The following ZZEF1 variants were observed in gnomAD, a reference collection of about 807,000 sequenced individuals.
The protein encoded by ZZEF1 is zinc finger ZZ-type and EF-hand domain-containing protein 1.
In ZZEF1, 157 loss-of-function variants were observed where a neutral mutation model predicts 342.8. That is an observed-to-expected ratio of 0.46 (90% CI 0.40 to 0.52). ZZEF1 has a LOEUF of 0.52. ZZEF1 is among the 20% of genes least tolerant of loss of function. The pLI, the probability that ZZEF1 is intolerant of heterozygous loss-of-function variation, is 0.00. For synonymous variants in ZZEF1, 1,505 were observed against 1,429.1 expected (o/e 1.05, Z -1.20); for missense variants, 3,480 against 3,725.6 (o/e 0.93, Z 1.72).
At chr17:4,088,578 C>T (rs924845539) in intron 13 of ZZEF1, 100 bp downstream of exon 13, 1 of 1,311,972 alleles carries the variant, frequency 7.6e-7, no homozygotes, top group South Asian at 1.4e-5. Flanking sequence ...ATCCTATTGG[C>T]TTCCGCAGGG....
chr17:4,051,596 T>G (rs780648750), intron 35 of ZZEF1, among the ~76,000 whole-genome samples: 4 of 151,920 alleles, frequency 2.6e-5, no homozygotes, highest in Non-Finnish European at 5.9e-5. Flanking sequence ...AATTTTTGTA[T>G]TTTTAGTAGA....
intron 52 of ZZEF1, among the ~76,000 whole-genome samples, chr17:4,011,759 T>C (rs1352437218): frequency 2.0e-5 from 3 of 152,230 alleles, no homozygotes; most frequent in African/African-American, 4.8e-5. Context: ...TATTTAATTG[T>C]TATCTTGAAG....
Position 4,006,448 on chromosome 17 carries a change from C to A in ZZEF1, c.*442G>T. On this transcript the variant is annotated 3_prime_UTR_variant, in exon 55 of 55. Transcript: ENST00000381638. ...TGAAAAGCAAAGAGGTGCTCCCAGG[C>A]TGGGCAGCCACTGGGGGTCTTGCTG... 1 of 244,490 alleles carries A rather than the reference C, an allele frequency of 4.1e-6. No individual in the cohort carries two copies. The highest frequency in any genetic ancestry group is 8.1e-6 in the Non-Finnish European group (1 of 123,122). 15.1% of individuals were successfully genotyped at this position (244,490 alleles called of 1,614,324 possible).
intron 32 of ZZEF1, among the ~76,000 whole-genome samples, chr17:4,057,662 C>G (rs964461360): frequency 2.0e-5 from 3 of 152,200 alleles, no homozygotes; most frequent in Non-Finnish European, 4.4e-5. Context: ...GCAGAGGATT[C>G]TCGGCCTCAG....
chr17:4,013,077 A>C (rs1357339980), intron 52 of ZZEF1, among the ~76,000 whole-genome samples: 1 of 138,168 alleles, frequency 7.2e-6, no homozygotes, highest in African/African-American at 2.7e-5. Context: ...TGACAGAGTG[A>C]GACTCTGTCT....
At chr17:4,116,471 T>C (rs2058395364) in intron 3 of ZZEF1, among the ~76,000 whole-genome samples, 1 of 152,242 alleles carries the variant, frequency 6.6e-6, no homozygotes, top group African/African-American at 2.4e-5. Context: ...GGCTCTGTTA[T>C]GTTCCACAGA....
In ZZEF1 at chr17:4,117,016, G is replaced by C; in HGVS notation, c.650C>G (p.Ser217Cys). 6.2e-7 allele frequency: 1 copy of C among 1,613,392 alleles called. No individual in the cohort carries two copies. Among genetic ancestry groups the C allele is most frequent in the Non-Finnish European group, 8.5e-7 (1 of 1,179,550 alleles). The change falls in exon 3 of 55, where the codon TCC becomes TGC. Residue 217 changes from serine (S) to cysteine (C), a missense_variant. By Grantham distance (112) the Ser-to-Cys change is moderately radical. Coordinates refer to ENST00000381638, the MANE Select transcript of ZZEF1 (RefSeq NM_015113.4). ...CTGATCCAGAGACTCCTTCAGGACGGAAGACCGCATGGTGCACATGTTATT... is the reference window on the plus strand; with the variant it reads ...CTGATCCAGAGACTCCTTCAGGACGCAAGACCGCATGGTGCACATGTTATT... ...HCNNMCTMRS[S>C]VLKESLDQLV...
In ZZEF1 at chr17:4,016,618, C is replaced by G; in HGVS notation, c.8002-152G>C. 2.7e-6 allele frequency: 2 copies of G among 752,748 alleles called. No individual in the cohort carries two copies. The highest frequency in any genetic ancestry group is 2.1e-6 in the Non-Finnish European group (1 of 479,038). The allele number at this position is 752,748 out of a possible 1,614,324, so 46.6% of individuals were successfully genotyped here. On this transcript the variant is annotated intron_variant, in intron 48 of 54. Coordinates refer to ENST00000381638, the MANE Select transcript of ZZEF1 (RefSeq NM_015113.4). The surrounding 1 kb of genome is among the most constrained non-coding windows in gnomAD (Gnocchi z 4.4). ...ACTCCACCACCCAAAACCAACTCCA[C>G]CAGCCACCTCTCACTTGACCAGGCT... is the stretch of plus-strand genomic sequence containing the variant.
chr17:4,100,650 G>A (rs962473041), intron 9 of ZZEF1, among the ~76,000 whole-genome samples: 4 of 151,968 alleles, frequency 2.6e-5, no homozygotes, highest in East Asian at 1.9e-4. Context: ...CCTGGCTAAC[G>A]TGGTGAAACC....
chr17:4,022,664 C>T, intron 44 of ZZEF1, 45 bp downstream of exon 44: 1 of 1,612,042 alleles, frequency 6.2e-7, no homozygotes, highest in East Asian at 2.2e-5. Context: ...TAGGCCAGCA[C>T]ATCTGCACCA....
Position 4,074,134 on chromosome 17 carries a change from A to G in ZZEF1, c.3685+16T>C. 2 of 1,613,044 alleles carry G rather than the reference A, an allele frequency of 1.2e-6. No individual in the cohort carries two copies. The highest frequency in any genetic ancestry group is 2.2e-5 in the South Asian group (2 of 91,070). Reference sequence around the variant, plus strand: ...CCGTGGTTGTAAGAAGGGAAAGCACAGGGATGTGCACTTACGGCGCACAGA... The same window carrying G: ...CCGTGGTTGTAAGAAGGGAAAGCACGGGGATGTGCACTTACGGCGCACAGA... On this transcript the variant is annotated intron_variant, in intron 24 of 54. Transcript: ENST00000381638.
At position 4,044,278 on chromosome 17, in the gene ZZEF1, G is replaced by T. The variant is rs768498949; in HGVS notation, c.6112C>A (p.Gln2038Lys). ...GCAGGTGAATCTGAAATTTGGGTCT[G>T]GCATGAAGGATCCTTCGATAATGAT... ...GVSLSKDPSCQTQISDSPADA... is the reference protein window; with the variant it reads ...GVSLSKDPSCKTQISDSPADA... Residue 2038 changes from glutamine (Q) to lysine (K), a missense_variant, in exon 38 of 55, where the codon CAG (glutamine) becomes AAG (lysine). By Grantham distance (53) the Gln-to-Lys change is moderately conservative (BLOSUM62 1). Coordinates refer to ENST00000381638, the MANE Select transcript of ZZEF1 (RefSeq NM_015113.4). The T allele has an allele frequency of 2.7e-5, 44 of 1,613,982 alleles. No homozygotes were observed. The highest frequency in any genetic ancestry group is 3.6e-5 in the Non-Finnish European group (42 of 1,180,014).
At chr17:4,029,495 A>G (rs1267331084) in intron 42 of ZZEF1, among the ~76,000 whole-genome samples, 1 of 152,152 alleles carries the variant, frequency 6.6e-6, no homozygotes, top group Non-Finnish European at 1.5e-5. Flanking sequence ...ACACCGAAAA[A>G]GAAAAAAAAA....
intron 6 of ZZEF1, among the ~76,000 whole-genome samples, chr17:4,106,299 TTG>T (rs2058211957): frequency 6.6e-6 from 1 of 152,118 alleles, no homozygotes; most frequent in African/African-American, 2.4e-5. Flanking sequence ...TAATAGGGTT[TTG>T]TGTTTGTTTG....
intron 5 of ZZEF1, among the ~76,000 whole-genome samples, chr17:4,111,353 A>C (rs11867534): frequency 6.6e-6 from 1 of 152,128 alleles, no homozygotes; most frequent in Non-Finnish European, 1.5e-5. Flanking sequence ...TCCAATATGA[A>C]AATGTGAATA....
chr17:4,099,951 G>A (rs999916957), intron 9 of ZZEF1, among the ~76,000 whole-genome samples: 1 of 152,146 alleles, frequency 6.6e-6, no homozygotes, highest in Admixed American at 6.5e-5. Context: ...CAGATTTAAA[G>A]GACTTAATAA....
intron 49 of ZZEF1, among the ~76,000 whole-genome samples, chr17:4,015,476 T>G (rs1251198907): frequency 2.0e-5 from 3 of 152,136 alleles, no homozygotes; most frequent in Non-Finnish European, 2.9e-5. Context: ...TTAAAAGCGC[T>G]AATGGGGGCC....
At chr17:4,088,494 C>G (rs1402965079) in intron 13 of ZZEF1, among the ~76,000 whole-genome samples, 184 bp downstream of exon 13, 4 of 152,338 alleles carry the variant, frequency 2.6e-5, no homozygotes, top group African/African-American at 9.6e-5. Flanking sequence ...CAGGCCACTT[C>G]CCTGACTCAT....
At position 4,017,968 on chromosome 17, in the gene ZZEF1, A is replaced by T. The variant is rs201551136; in HGVS notation, c.7509T>A (p.Phe2503Leu). 1.9e-6 allele frequency: 3 copies of T among 1,613,256 alleles called. No homozygotes were observed. Among genetic ancestry groups the T allele is most frequent in the Non-Finnish European group, 2.5e-6 (3 of 1,180,026 alleles). Residue 2503 changes from phenylalanine to leucine, a missense_variant, in exon 47 of 55, where the codon TTT (phenylalanine) becomes TTA (leucine). Physicochemically the swap from Phe to Leu is conservative, Grantham distance 22. Transcript: ENST00000381638. This position sits in a 1 kb window ranked among gnomAD's most constrained non-coding sequence, Gnocchi z 5.1. ...CATCTGTGGTGAGCTCATCACCATC[A>T]AACCTGCAGAAGGGCAGCACAAAGT... ...DYFFLEVQKR[F>L]DGDELTTDER...
Sources: gnomAD v4.1 joint callset for allele counts (sites outside exome capture counted in the v4.1 genomes callset) on GRCh38, gnomAD v4.1.1 for gene constraint, Gnocchi (gnomAD v3.1) non-coding constraint, MANE v1.5 for transcripts, NCBI Gene and HGNC (gene_info 2026-07-23, HGNC 2026-07-21) for gene names.